TP63: variants seen among roughly 807,000 people sequenced by gnomAD.
The protein encoded by TP63 is tumor protein p63.
Under a neutral mutation model 82.8 loss-of-function variants are expected in TP63, and 17 were observed. That is an observed-to-expected ratio of 0.21 (90% CI 0.14 to 0.31). The LOEUF (loss-of-function observed/expected upper bound fraction) is 0.31. Ranked by LOEUF, TP63 falls within the 10% of genes least tolerant of loss-of-function variation. TP63 has a pLI of 1.00. For missense variants in TP63, 648 were observed against 895.3 expected, an observed-to-expected ratio of 0.72 and a Z score of 3.52; for synonymous variants, 330 against 321.7, an observed-to-expected ratio of 1.03 and a Z score of -0.28.
intron 3 of TP63, among the ~76,000 whole-genome samples, chr3:189,762,335 G>A (rs1249597926): frequency 6.6e-6 from 1 of 152,128 alleles, no homozygotes; most frequent in East Asian, 1.9e-4. Flanking sequence ...TTAAGGTTCA[G>A]GGAAACCCCT....
chr3:189,643,564 T>A (rs926239931), intron 1 of TP63, among the ~76,000 whole-genome samples: 2 of 152,124 alleles, frequency 1.3e-5, no homozygotes, highest in Non-Finnish European at 2.9e-5. Context: ...GATCAAGCCC[T>A]CCTCCATGAA....
At chr3:189,787,685 G>C (rs1211250243) in intron 3 of TP63, among the ~76,000 whole-genome samples, 1 of 152,052 alleles carries the variant, frequency 6.6e-6, no homozygotes, top group East Asian at 1.9e-4. Context: ...TTGGGACCCT[G>C]AGCCTTAGAT....
chr3:189,657,817 T>G (rs1199513693), intron 1 of TP63, among the ~76,000 whole-genome samples: 1 of 152,120 alleles, frequency 6.6e-6, no homozygotes, highest in Admixed American at 6.6e-5. Context: ...TTTGTATACT[T>G]TCATATTTCC....
At chr3:189,836,577 A>G (rs938408065) in intron 4 of TP63, among the ~76,000 whole-genome samples, 1 of 152,142 alleles carries the variant, frequency 6.6e-6, no homozygotes, top group African/African-American at 2.4e-5. Context: ...TATCCTGCTA[A>G]TTTGGTTTTG....
chr3:189,839,968 T>G (rs1713739649), intron 4 of TP63, among the ~76,000 whole-genome samples: 1 of 152,194 alleles, frequency 6.6e-6, no homozygotes, highest in Non-Finnish European at 1.5e-5. Flanking sequence ...ATTTCACGTT[T>G]AGGAGTTTCA....
At chr3:189,757,654 AT>A (rs1241119821) in intron 3 of TP63, among the ~76,000 whole-genome samples, 2 of 152,208 alleles carry the variant, frequency 1.3e-5, no homozygotes, top group African/African-American at 4.8e-5. Flanking sequence ...TTTCCAAAAA[AT>A]ATGATATTAT....
intron 3 of TP63, among the ~76,000 whole-genome samples, chr3:189,771,523 T>A (rs1027340230): frequency 6.8e-6 from 1 of 146,474 alleles, no homozygotes; most frequent in Admixed American, 7.0e-5. Flanking sequence ...ATAATATAGC[T>A]ATGTGTGGAG....
At chr3:189,701,129 C>T (rs925370788) in intron 1 of TP63, among the ~76,000 whole-genome samples, 1 of 152,088 alleles carries the variant, frequency 6.6e-6, no homozygotes, top group Non-Finnish European at 1.5e-5. Context: ...GATGCCTCCC[C>T]AGCCACATGG....
rs182299738 is a variant in TP63, at chr3:189,642,053, G to A, written c.62+10476G>A. The stretch of plus-strand genomic sequence containing the variant: ...ACCTAAGAAGCAAGAGGGCTGGGTA[G>A]TAAATGAGTGTATACTTTTTCAAGT... On this transcript the variant is annotated intron_variant, in intron 1 of 13. Transcript: ENST00000264731. Among the ~76,000 whole-genome samples the A allele has an allele frequency of 4.9e-4, 74 of 152,280 alleles. 1 individual carries two copies. Among genetic ancestry groups the A allele is most frequent in the South Asian group, 8.3e-4 (4 of 4,820 alleles).
chr3:189,885,711 T>C (rs970272989), intron 10 of TP63, among the ~76,000 whole-genome samples: 3 of 152,246 alleles, frequency 2.0e-5, no homozygotes, highest in Non-Finnish European at 4.4e-5. Context: ...TGCTTTGTTT[T>C]TTTCATTTCT....
At chr3:189,682,913 G>A (rs1716104949) in intron 1 of TP63, among the ~76,000 whole-genome samples, 1 of 152,080 alleles carries the variant, frequency 6.6e-6, no homozygotes, top group East Asian at 1.9e-4. Context: ...TGCAAGAATG[G>A]TTTATAAATG....
intron 4 of TP63, 143 bp downstream of exon 4, chr3:189,808,669 CAGAGAG>C: frequency 6.7e-7 from 1 of 1,484,608 alleles, no homozygotes; most frequent in Non-Finnish European, 9.1e-7. Flanking sequence ...AATACTGAAC[CAGAGAG>C]AGAGAAAGTG....
chr3:189,738,553 A>C, intron 2 of TP63, 89 bp from the exon 3 acceptor site: 1 of 1,596,864 alleles, frequency 6.3e-7, no homozygotes, highest in Non-Finnish European at 8.6e-7. Flanking sequence ...GCTGACTTTG[A>C]AGCAGAAAAT....
the TP63 span, among the ~76,000 whole-genome samples, chr3:189,609,193 T>C: frequency 3.3e-5 from 5 of 152,146 alleles, no homozygotes; most frequent in African/African-American, 1.2e-4. Context: ...CTTTTAGACA[T>C]CTTTCCATGT....
chr3:189,800,639 C>T (rs1289084009), intron 3 of TP63, among the ~76,000 whole-genome samples: 3 of 152,172 alleles, frequency 2.0e-5, no homozygotes, highest in East Asian at 1.9e-4. Context: ...TTTACTGGTT[C>T]GACATCCAGG....
intron 3 of TP63, among the ~76,000 whole-genome samples, chr3:189,741,165 C>G (rs1345935609): frequency 6.6e-6 from 1 of 150,920 alleles, no homozygotes; most frequent in Non-Finnish European, 1.5e-5. Flanking sequence ...AAGAATTTAA[C>G]TGAATAAACT....
chr3:189,880,979 CTTTTAATAGAAAGA>C (rs1719848176), intron 10 of TP63: 4 of 985,274 alleles, frequency 4.1e-6, no homozygotes, highest in Non-Finnish European at 4.8e-6. Flanking sequence ...TCATTTTGTG[CTTTTAATAGAAAGA>C]CAAATCCACC....
chr3:189,874,226 T>C (rs1018280729), intron 10 of TP63, among the ~76,000 whole-genome samples: 2 of 152,086 alleles, frequency 1.3e-5, no homozygotes, highest in African/African-American at 4.8e-5. Flanking sequence ...CCTGCCACCA[T>C]GCCTGGCAGA....
intron 1 of TP63, among the ~76,000 whole-genome samples, chr3:189,672,392 G>A (rs180731918): frequency 5.3e-5 from 8 of 152,138 alleles, no homozygotes; most frequent in East Asian, 1.9e-4. Context: ...CTTGAGTTCC[G>A]GAGTTGGAGA....
Sources: allele counts gnomAD v4.1 joint callset (sites outside exome capture counted in the v4.1 genomes callset), GRCh38; gene constraint gnomAD v4.1.1; transcripts MANE v1.5; gene names NCBI Gene and HGNC (gene_info 2026-07-23, HGNC 2026-07-21).